The following FANCB variants were observed in gnomAD, a reference collection of about 807,000 sequenced individuals.
The protein encoded by FANCB is FA complementation group B, also known as Fanconi anemia group B protein.
Under a neutral mutation model 38.9 loss-of-function variants are expected in FANCB, and 5 were observed. That is an observed-to-expected ratio of 0.13 (90% CI 0.07 to 0.27). The LOEUF (loss-of-function observed/expected upper bound fraction) is 0.27. Ranked by LOEUF, FANCB falls within the 10% of genes least tolerant of loss-of-function variation. The pLI is 1.00. For synonymous variants in FANCB, 236 were observed against 215.4 expected, an observed-to-expected ratio of 1.10 and a Z score of -0.84; for missense variants, 573 against 602.7, an observed-to-expected ratio of 0.95 and a Z score of 0.52.
At chrX:14,782,691 G>A in the FANCB span, among the ~76,000 whole-genome samples, 2 of 112,192 alleles carry the variant, frequency 1.8e-5, no homozygotes, top group Non-Finnish European at 3.8e-5. Flanking sequence ...CCACAGGGAA[G>A]AAGGCAGAGC....
At chrX:14,796,667 CACACACACACACACACGTCTATATAT>C in the FANCB span, among the ~76,000 whole-genome samples, 4 of 82,062 alleles carry the variant, frequency 4.9e-5, no homozygotes, top group Admixed American at 1.5e-4. Flanking sequence ...TATATACACA[CACACACACACACACACGTCTATATAT>C]ACACACACAC....
chrX:14,802,217 G>A, the FANCB span, among the ~76,000 whole-genome samples: 2 of 111,721 alleles, frequency 1.8e-5, no homozygotes. Flanking sequence ...AGTCAGACAA[G>A]GGGGAGGAAG....
chrX:14,775,722 A>G, the FANCB span, among the ~76,000 whole-genome samples: 1 of 112,026 alleles, frequency 8.9e-6, no homozygotes, highest in Non-Finnish European at 1.9e-5. Flanking sequence ...CCTGCACAAC[A>G]AGCTTGATCC....
At chrX:14,811,483 C>A in the FANCB span, among the ~76,000 whole-genome samples, 125 of 110,260 alleles carry the variant, frequency 1.1e-3, 1 homozygote, top group African/African-American at 3.3e-3. Context: ...TCTACCAAGC[C>A]AATGGAAAAC....
At chrX:14,744,111 C>T in the FANCB span, among the ~76,000 whole-genome samples, 2 of 111,671 alleles carry the variant, frequency 1.8e-5, no homozygotes, top group Non-Finnish European at 3.8e-5. Flanking sequence ...TTTATAGATT[C>T]CCTGGCCCTA....
chrX:14,725,174 A>C, the FANCB span, among the ~76,000 whole-genome samples: 2 of 112,056 alleles, frequency 1.8e-5, no homozygotes, highest in Non-Finnish European at 3.8e-5. Flanking sequence ...CCATGGTTTT[A>C]AGTGAATGGT....
At chrX:14,859,616 T>C (rs759983026) in intron 3 of FANCB, among the ~76,000 whole-genome samples, 1 of 112,123 alleles carries the variant, frequency 8.9e-6, no homozygotes, top group Non-Finnish European at 1.9e-5. Flanking sequence ...AATTTTATTG[T>C]AATCTATTTA....
chrX:14,776,524 T>G, the FANCB span, among the ~76,000 whole-genome samples: 1 of 112,042 alleles, frequency 8.9e-6, no homozygotes, highest in Non-Finnish European at 1.9e-5. Flanking sequence ...TGGTATTGAA[T>G]AGCGCACTCC....
At chrX:14,750,940 G>A in the FANCB span, among the ~76,000 whole-genome samples, 4 of 107,850 alleles carry the variant, frequency 3.7e-5, no homozygotes, top group South Asian at 1.6e-3. Context: ...TCTAATCCCT[G>A]CTCCAGCCCA....
the FANCB span, among the ~76,000 whole-genome samples, chrX:14,698,865 GGT>G: frequency 9.0e-6 from 1 of 110,554 alleles, no homozygotes; most frequent in South Asian, 3.8e-4. Context: ...ATTCAGGGAA[GGT>G]ATTTATTGAG....
the FANCB span, among the ~76,000 whole-genome samples, chrX:14,793,873 T>C: frequency 1.8e-5 from 2 of 111,291 alleles, no homozygotes; most frequent in Non-Finnish European, 3.8e-5. Context: ...AAACAATATT[T>C]GGGTTGAAGA....
the FANCB span, among the ~76,000 whole-genome samples, chrX:14,791,062 C>T: frequency 9.1e-6 from 1 of 110,485 alleles, no homozygotes; most frequent in Non-Finnish European, 1.9e-5. Flanking sequence ...CTGGTCCCCA[C>T]AGCTTTAGCT....
chrX:14,843,418 C>T lies in FANCB; in HGVS notation c.*149G>A, dbSNP rs1336013743. ...AAATGGCCCTAGTTGAGAACCACTG[C>T]TGTTTATTTTGTGCATCATCAAAAC... On this transcript the variant is annotated 3_prime_UTR_variant, in exon 10 of 10. Coordinates refer to ENST00000650831, the MANE Select transcript of FANCB (RefSeq NM_001018113.3). The T allele has an allele frequency of 6.9e-6, 3 of 433,946 alleles. No individual in the cohort carries two copies. The highest frequency in any genetic ancestry group is 7.8e-6 in the Non-Finnish European group (2 of 255,098). The allele number at this position is 433,946 out of a possible 1,213,427, so 35.8% of individuals were successfully genotyped here. A position where few individuals can be genotyped will look rare whatever the true frequency, so the allele number is the denominator to read the frequency against.
chrX:14,728,515 G>A, the FANCB span, among the ~76,000 whole-genome samples: 354 of 112,146 alleles, frequency 3.2e-3, 1 homozygote, highest in African/African-American at 0.01. Flanking sequence ...TTTTCCTAGA[G>A]ATCAAATTTA....
At chrX:14,782,684 C>A in the FANCB span, among the ~76,000 whole-genome samples, 6 of 112,099 alleles carry the variant, frequency 5.4e-5, no homozygotes, top group African/African-American at 1.9e-4. Context: ...TTGAAAGCCA[C>A]AGGGAAGAAG....
At chrX:14,744,837 A>C in the FANCB span, among the ~76,000 whole-genome samples, 2 of 111,584 alleles carry the variant, frequency 1.8e-5, no homozygotes, top group African/African-American at 3.3e-5. Context: ...CAGACTACAA[A>C]GTACCTGCAC....
At chrX:14,724,561 G>A in the FANCB span, among the ~76,000 whole-genome samples, 2 of 102,830 alleles carry the variant, frequency 1.9e-5, no homozygotes, top group African/African-American at 7.3e-5. Flanking sequence ...AGGAGGCAGA[G>A]GTTGCAGTGA....
At chrX:14,764,709 T>G in the FANCB span, among the ~76,000 whole-genome samples, 11 of 111,805 alleles carry the variant, frequency 9.8e-5, 1 homozygote, top group East Asian at 3.1e-3. Flanking sequence ...ACCTCCATGA[T>G]GGCACCTAAT....
intron 1 of FANCB, among the ~76,000 whole-genome samples, chrX:14,871,566 T>A (rs150857142): frequency 2.9e-4 from 32 of 111,114 alleles, no homozygotes; most frequent in African/African-American, 1.0e-3. Context: ...GGAATGAGTA[T>A]AGATGGACTA....
Sources: gnomAD v4.1 joint callset for allele counts (sites outside exome capture counted in the v4.1 genomes callset) on GRCh38, gnomAD v4.1.1 for gene constraint, MANE v1.5 for transcripts, NCBI Gene and HGNC (gene_info 2026-07-23, HGNC 2026-07-21) for gene names.